Variants in TEX9 observed in about 807,000 individuals in gnomAD.
The protein encoded by TEX9 is testis expressed 9.
A neutral mutation model predicts 59.6 loss-of-function variants in TEX9; 74 were observed. The ratio of observed to expected loss-of-function variants is 1.24; its 90% CI spans 1.03 to 1.51. TEX9 has a LOEUF of 1.51. Among genes scored for constraint, TEX9 ranks in the 40% most tolerant of loss-of-function variants. The pLI is 0.00. For synonymous variants in TEX9, 186 were observed against 152.2 expected (o/e 1.22, Z -1.64); for missense variants, 522 against 447.8 (o/e 1.17, Z -1.49).
chr15:56,404,139 C>G (rs1355930433), intron 9 of TEX9, among the ~76,000 whole-genome samples: 1 of 152,156 alleles, frequency 6.6e-6, no homozygotes, highest in African/African-American at 2.4e-5. Flanking sequence ...CAAATGGGAT[C>G]TAATTAAACT....
At chr15:56,295,140 A>C (rs2045188449) in intron 1 of TEX9, among the ~76,000 whole-genome samples, 1 of 152,204 alleles carries the variant, frequency 6.6e-6, no homozygotes, top group African/African-American at 2.4e-5. Context: ...TGCAGTATCC[A>C]GAAACAGACA....
chr15:56,404,413 G>A (rs2048966805), intron 9 of TEX9, among the ~76,000 whole-genome samples: 1 of 152,184 alleles, frequency 6.6e-6, no homozygotes, highest in Non-Finnish European at 1.5e-5. Context: ...TTAGAGGAAT[G>A]CAAATCAAAA....
At chr15:56,409,821 T>C (rs1260836735) in intron 9 of TEX9, 2 of 152,256 alleles carry the variant, frequency 1.3e-5, no homozygotes, top group African/African-American at 4.8e-5. Flanking sequence ...ACTTAAATCA[T>C]TACCTCACTT....
intron 1 of TEX9, among the ~76,000 whole-genome samples, chr15:56,282,948 A>C (rs1320529823): frequency 6.6e-6 from 1 of 152,124 alleles, no homozygotes; most frequent in Non-Finnish European, 1.5e-5. Flanking sequence ...AAGTGAGGTA[A>C]AAAATAAATT....
At chr15:56,296,964 G>C (rs1359329341) in intron 1 of TEX9, among the ~76,000 whole-genome samples, 1 of 152,140 alleles carries the variant, frequency 6.6e-6, no homozygotes, top group Non-Finnish European at 1.5e-5. Flanking sequence ...TTCCATAGAA[G>C]ATTAGAAGCT....
chr15:56,427,584 C>A (rs2050362867), intron 10 of TEX9, 21 bp from the exon 11 acceptor site: 5 of 1,451,900 alleles, frequency 3.4e-6, no homozygotes, highest in Non-Finnish European at 4.6e-6. Context: ...AAATATATGG[C>A]ACTTTTTTTT....
At chr15:56,356,866 G>C (rs1323097682) in intron 1 of TEX9, among the ~76,000 whole-genome samples, 2 of 152,022 alleles carry the variant, frequency 1.3e-5, no homozygotes, top group African/African-American at 4.8e-5. Flanking sequence ...GGTGGTGGTG[G>C]CTATCTGCTC....
chr15:56,252,408 A>G (rs1224302712), intron 1 of TEX9, among the ~76,000 whole-genome samples: 10 of 115,742 alleles, frequency 8.6e-5, no homozygotes, highest in Non-Finnish European at 1.5e-4. Context: ...CCAGGCCACA[A>G]AATAAAAGCA....
intron 1 of TEX9, among the ~76,000 whole-genome samples, chr15:56,317,691 G>A (rs545010136): frequency 6.6e-6 from 1 of 152,016 alleles, no homozygotes; most frequent in African/African-American, 2.4e-5. Flanking sequence ...CAGCTTAATT[G>A]TGTTCCATAT....
At chr15:56,428,263 T>C in intron 11 of TEX9, 104 bp from the exon 12 acceptor site, 1 of 782,208 alleles carries the variant, frequency 1.3e-6, no homozygotes, top group Middle Eastern at 3.2e-4. Flanking sequence ...ACAACAGAAC[T>C]TATATTCTGA....
upstream of TEX9, chr15:56,365,425 C>T: frequency 1.2e-6 from 2 of 1,606,968 alleles, no homozygotes; most frequent in Non-Finnish European, 1.7e-6. Flanking sequence ...GTCGTTGCCT[C>T]GGTAACCGCG....
chr15:56,441,489 A>G (rs1486432539), intron 12 of TEX9, among the ~76,000 whole-genome samples: 7 of 152,186 alleles, frequency 4.6e-5, no homozygotes, highest in Non-Finnish European at 8.8e-5. Flanking sequence ...CATTCTGGAC[A>G]TAGGACCTGG....
intron 1 of TEX9, among the ~76,000 whole-genome samples, chr15:56,252,919 T>C (rs1429416022): frequency 6.6e-6 from 1 of 152,078 alleles, no homozygotes; most frequent in African/African-American, 2.4e-5. Flanking sequence ...TTTCTGAAAA[T>C]ACTCCACACA....
chr15:56,302,883 T>C (rs1374430268), intron 1 of TEX9, among the ~76,000 whole-genome samples: 1 of 152,082 alleles, frequency 6.6e-6, no homozygotes, highest in Non-Finnish European at 1.5e-5. Flanking sequence ...TTCATGTAAA[T>C]GGAAACCAAG....
intron 2 of TEX9, 65 bp downstream of exon 2, chr15:56,365,735 C>G (rs758005473): frequency 2.1e-5 from 34 of 1,598,678 alleles, no homozygotes; most frequent in Non-Finnish European, 2.8e-5. Flanking sequence ...CTTACAAGTA[C>G]TTTTTTCTGG....
chr15:56,373,273 G>A (rs1596134360), intron 2 of TEX9, among the ~76,000 whole-genome samples, 168 bp from the exon 3 acceptor site: 2 of 152,326 alleles, frequency 1.3e-5, no homozygotes, highest in South Asian at 4.1e-4. Context: ...GAGGAATCAT[G>A]GGGAGTTGAG....
At chr15:56,377,981 T>C (rs1164109762) in intron 3 of TEX9, among the ~76,000 whole-genome samples, 3 of 152,210 alleles carry the variant, frequency 2.0e-5, no homozygotes, top group African/African-American at 4.8e-5. Context: ...AATGATCATA[T>C]GGTTTTTGTC....
chr15:56,458,842 C>T, the TEX9 span, among the ~76,000 whole-genome samples: 2 of 152,260 alleles, frequency 1.3e-5, no homozygotes, highest in Admixed American at 1.3e-4. Flanking sequence ...ACAGTTTATC[C>T]ATTATCTACT....
At chr15:56,274,289 C>A (rs2044618642) in intron 1 of TEX9, among the ~76,000 whole-genome samples, 1 of 152,092 alleles carries the variant, frequency 6.6e-6, no homozygotes, top group South Asian at 2.1e-4. Context: ...ATCTGTGTTA[C>A]CATGTTTTAT....
Sources: gnomAD v4.1 joint callset for allele counts (sites outside exome capture counted in the v4.1 genomes callset) on GRCh38, gnomAD v4.1.1 for gene constraint, MANE v1.5 for transcripts, NCBI Gene and HGNC (gene_info 2026-07-23, HGNC 2026-07-21) for gene names.